The following PDZRN4 variants were observed in gnomAD, a reference collection of about 807,000 sequenced individuals.
PDZRN4 encodes PDZ domain containing ring finger 4.
Under a neutral mutation model 99.0 loss-of-function variants are expected in PDZRN4, and 70 were observed. The observed-to-expected ratio is 0.71, with a 90% CI of 0.58 to 0.86. The LOEUF is 0.86. Ranked by LOEUF, PDZRN4 falls within the 40% of genes least tolerant of loss-of-function variation. The pLI, the probability that PDZRN4 is intolerant of heterozygous loss-of-function variation, is 0.00. For synonymous variants in PDZRN4, 551 were observed against 501.6 expected (o/e 1.10, Z -1.32); for missense variants, 1,474 against 1,331.2 (o/e 1.11, Z -1.67).
chr12:41,411,067 A>ATATATATAT (rs34064559), intron 3 of PDZRN4, among the ~76,000 whole-genome samples: 1 of 140,434 alleles, frequency 7.1e-6, no homozygotes, highest in African/African-American at 2.7e-5. Context: ...ATATATATAT[A>ATATATATAT]TTTTTTTTTT....
chr12:41,407,057 G>C (rs1055022447), intron 3 of PDZRN4, among the ~76,000 whole-genome samples: 3 of 152,072 alleles, frequency 2.0e-5, no homozygotes, highest in Non-Finnish European at 4.4e-5. Flanking sequence ...CTAATGAGCT[G>C]TGTGTTATGA....
rs374645706 is a variant in PDZRN4, at chr12:41,317,048, G to GTATACATATATATA, written c.843+122864_843+122865insCATATATATATATA. 3.8e-3 allele frequency among the ~76,000 whole-genome samples: 267 copies of GTATACATATATATA among 69,564 alleles called. 19 individuals carry two copies. Among genetic ancestry groups the GTATACATATATATA allele is most frequent in the Middle Eastern group, 0.012 (1 of 82 alleles). The allele number at this position is 69,564 out of a possible 152,430, so 45.6% of individuals were successfully genotyped here. A position where few individuals can be genotyped will look rare whatever the true frequency, so the allele number is the denominator to read the frequency against. ...TCCAGAGAATCATAACTTACATAAAGTATATATATATATATATATATATAT... is the reference window on the plus strand; with the variant it reads ...TCCAGAGAATCATAACTTACATAAAGTATACATATATATATATATATATATATATATATATATAT... On this transcript the variant is annotated intron_variant, in intron 3 of 9. Coordinates refer to ENST00000402685, the MANE Select transcript of PDZRN4 (RefSeq NM_001164595.2).
intron 3 of PDZRN4, among the ~76,000 whole-genome samples, chr12:41,380,995 T>G (rs1370018952): frequency 6.6e-6 from 1 of 152,166 alleles, no homozygotes; most frequent in Non-Finnish European, 1.5e-5. Flanking sequence ...TTGCTATGTA[T>G]AGTATGGTTG....
chr12:41,237,115 T>A (rs533190184), intron 3 of PDZRN4, among the ~76,000 whole-genome samples: 49 of 152,200 alleles, frequency 3.2e-4, no homozygotes, highest in Non-Finnish European at 6.2e-4. Context: ...ATAAAAAACA[T>A]AATTAGGTGA....
chr12:41,356,646 C>G (rs780587872), intron 3 of PDZRN4, among the ~76,000 whole-genome samples: 1 of 151,876 alleles, frequency 6.6e-6, no homozygotes, highest in Non-Finnish European at 1.5e-5. Context: ...ATGTCTGATA[C>G]CATAATTATA....
intron 5 of PDZRN4, among the ~76,000 whole-genome samples, chr12:41,511,951 T>C (rs1938313645): frequency 6.6e-6 from 1 of 152,126 alleles, no homozygotes; most frequent in Admixed American, 6.6e-5. Flanking sequence ...CCCTAGCTCC[T>C]CTAGGAGCTT....
intron 3 of PDZRN4, among the ~76,000 whole-genome samples, chr12:41,402,516 G>A (rs61924120): frequency 0.93 from 13 of 14 alleles, 6 homozygotes; most frequent in Non-Finnish European, 1. Context: ...TACGCTGTGT[G>A]TATATATATA....
intron 3 of PDZRN4, among the ~76,000 whole-genome samples, chr12:41,201,780 A>C (rs1950817576): frequency 2.0e-5 from 3 of 152,128 alleles, no homozygotes; most frequent in Non-Finnish European, 4.4e-5. Context: ...CTTAAGTTGT[A>C]AGATCTCGAA....
At chr12:41,234,064 T>C (rs1297810935) in intron 3 of PDZRN4, among the ~76,000 whole-genome samples, 1 of 152,058 alleles carries the variant, frequency 6.6e-6, no homozygotes, top group Admixed American at 6.6e-5. Flanking sequence ...AGTGAATTTA[T>C]TGCTCCTTGA....
At chr12:41,474,691 CG>C (rs1565592573) in intron 3 of PDZRN4, among the ~76,000 whole-genome samples, 1 of 152,016 alleles carries the variant, frequency 6.6e-6, no homozygotes, top group Non-Finnish European at 1.5e-5. Context: ...AATGGGAAGT[CG>C]GGTGGAGGAT....
chr12:41,347,938 C>A (rs993312571), intron 3 of PDZRN4, among the ~76,000 whole-genome samples: 1 of 151,864 alleles, frequency 6.6e-6, no homozygotes. Flanking sequence ...AAACATGATG[C>A]GAAATTTGCC....
At chr12:41,570,925 T>C (rs1346698864) in intron 9 of PDZRN4, among the ~76,000 whole-genome samples, 2 of 152,162 alleles carry the variant, frequency 1.3e-5, no homozygotes, top group African/African-American at 2.4e-5. Flanking sequence ...AGCTGATACA[T>C]GGTTATGTTC....
chr12:41,463,486 T>G (rs1952891826), intron 3 of PDZRN4, among the ~76,000 whole-genome samples: 1 of 152,114 alleles, frequency 6.6e-6, no homozygotes, highest in Non-Finnish European at 1.5e-5. Context: ...AAGACTCTTT[T>G]TTCCCTCTAC....
At chr12:41,305,910 T>A (rs1004126042) in intron 3 of PDZRN4, among the ~76,000 whole-genome samples, 4 of 152,182 alleles carry the variant, frequency 2.6e-5, no homozygotes, top group African/African-American at 9.7e-5. Context: ...CAGATATGGT[T>A]GAGGCTCAAG....
intron 3 of PDZRN4, among the ~76,000 whole-genome samples, chr12:41,461,622 C>T (rs1952874582): frequency 6.6e-6 from 1 of 152,102 alleles, no homozygotes; most frequent in Non-Finnish European, 1.5e-5. Context: ...CAGATTTACC[C>T]AAATACAAAT....
At chr12:41,384,290 C>T (rs1402391551) in intron 3 of PDZRN4, among the ~76,000 whole-genome samples, 1 of 151,938 alleles carries the variant, frequency 6.6e-6, no homozygotes, top group Admixed American at 6.6e-5. Flanking sequence ...CTATTTCTTC[C>T]AGGTACAGAA....
intron 3 of PDZRN4, among the ~76,000 whole-genome samples, chr12:41,286,610 A>C (rs1047550123): frequency 1.3e-5 from 2 of 152,100 alleles, no homozygotes; most frequent in East Asian, 3.9e-4. Flanking sequence ...TGGTCCACTC[A>C]CTATTCTTGG....
chr12:41,225,874 C>A (rs1950990693), intron 3 of PDZRN4, among the ~76,000 whole-genome samples: 1 of 152,056 alleles, frequency 6.6e-6, no homozygotes, highest in Admixed American at 6.6e-5. Context: ...CTTCTCCTAT[C>A]CTTCTGAGCT....
chr12:41,259,683 T>C (rs12304516), intron 3 of PDZRN4, among the ~76,000 whole-genome samples: 13,630 of 152,046 alleles, frequency 0.09, 810 homozygotes, highest in African/African-American at 0.17. Flanking sequence ...AAAATAAAAA[T>C]AAAATCTTAA....
Sources: gnomAD v4.1 joint callset for allele counts (sites outside exome capture counted in the v4.1 genomes callset) on GRCh38, gnomAD v4.1.1 for gene constraint, MANE v1.5 for transcripts, NCBI Gene and HGNC (gene_info 2026-07-23, HGNC 2026-07-21) for gene names.